Variants in ZFP64 observed in about 807,000 individuals in gnomAD.
ZFP64 encodes ZFP64 zinc finger protein, also known as zinc finger protein 64.
A neutral mutation model predicts 51.6 loss-of-function variants in ZFP64; 14 were observed. The ratio of observed to expected loss-of-function variants is 0.27; its 90% CI spans 0.18 to 0.42. ZFP64 has a LOEUF of 0.42. Among genes scored for constraint, ZFP64 ranks in the 10% least tolerant of loss-of-function variants. The probability of loss-of-function intolerance (pLI) is 1.00; values close to 1 mark genes in which losing one functional copy is unlikely to be tolerated. For missense variants in ZFP64, 754 were observed against 906.8 expected (o/e 0.83, Z 2.16); for synonymous variants, 375 against 361.4 (o/e 1.04, Z -0.43).
rs138460940 is a variant in ZFP64, at chr20:52,140,244, G to C, written c.763+19879C>G. 1.8e-3 allele frequency among the ~76,000 whole-genome samples: 274 copies of C among 152,228 alleles called. 1 individual carries two copies. Among genetic ancestry groups the C allele is most frequent in the African/African-American group, 6.3e-3 (262 of 41,550 alleles). On this transcript the variant is annotated intron_variant, in intron 5 of 8. Coordinates refer to the ZFP64 transcript ENST00000361387. Reference sequence around the variant, plus strand: ...CCTACAATGGCCTCTAAGTGTTCAAGTGAAAGAAAGAGTCCCACGTCTCTC... The same window carrying C: ...CCTACAATGGCCTCTAAGTGTTCAACTGAAAGAAAGAGTCCCACGTCTCTC...
At chr20:52,088,979 T>G (rs2078893316) in intron 7 of ZFP64, 1 of 537,156 alleles carries the variant, frequency 1.9e-6, no homozygotes, top group Non-Finnish European at 3.7e-6. Context: ...ATGAACCACA[T>G]GGAGAATGGT....
chr20:52,182,027 T>C (rs1293211997), intron 2 of ZFP64, among the ~76,000 whole-genome samples: 1 of 152,242 alleles, frequency 6.6e-6, no homozygotes, highest in Non-Finnish European at 1.5e-5. Context: ...CACCTGTTTA[T>C]TAGACTCTAC....
At chr20:52,110,573 G>A in intron 5 of ZFP64, 1 of 715,936 alleles carries the variant, frequency 1.4e-6, no homozygotes, top group South Asian at 1.6e-5. Flanking sequence ...AGGTGGTCCT[G>A]CCGCTGCTTC....
At chr20:52,123,880 G>C (rs570278927) in intron 5 of ZFP64, among the ~76,000 whole-genome samples, 2 of 151,502 alleles carry the variant, frequency 1.3e-5, no homozygotes, top group Admixed American at 1.3e-4. Flanking sequence ...CTTTTTTGGG[G>C]GGGGGAGGGG....
chr20:52,106,922 C>G lies in ZFP64; in HGVS notation c.764-8335G>C, dbSNP rs554249395. Among the ~76,000 whole-genome samples the G allele has an allele frequency of 6.6e-5, 10 of 152,250 alleles. No homozygotes were observed. In the South Asian group the frequency reaches 1.9e-3, roughly 28 times the overall value. On this transcript the variant is annotated intron_variant, in intron 5 of 8. Coordinates refer to the ZFP64 transcript ENST00000361387. ...GACCAGCCTGGCCAACATGATGGAA[C>G]CTTGTCTCTACTAAAAATACAAAAA...
intron 8 of ZFP64, among the ~76,000 whole-genome samples, chr20:52,088,044 T>C (rs2122698544): frequency 6.6e-6 from 1 of 152,380 alleles, no homozygotes; most frequent in Non-Finnish European, 1.5e-5. Flanking sequence ...TAATGGATCC[T>C]GCTACATTCC....
At chr20:52,136,138 GAAC>G (rs991389452) in intron 5 of ZFP64, among the ~76,000 whole-genome samples, 25 of 81,968 alleles carry the variant, frequency 3.0e-4, no homozygotes, top group East Asian at 1.9e-3. Flanking sequence ...CCAAAAAAAA[GAAC>G]AACAACAACA....
chr20:52,095,730 TA>T (rs2078981455), intron 7 of ZFP64, among the ~76,000 whole-genome samples: 1 of 152,190 alleles, frequency 6.6e-6, no homozygotes, highest in Non-Finnish European at 1.5e-5. Flanking sequence ...AAGAAAACAG[TA>T]ATCCAGCCCC....
At chr20:52,133,035 G>T (rs953532766) in intron 5 of ZFP64, among the ~76,000 whole-genome samples, 10 of 152,154 alleles carry the variant, frequency 6.6e-5, no homozygotes, top group Non-Finnish European at 1.0e-4. Context: ...TCTCTGGAAT[G>T]CAAGGATGAC....
intron 5 of ZFP64, chr20:52,110,427 C>A: frequency 3.3e-6 from 2 of 601,098 alleles, no homozygotes; most frequent in South Asian, 5.3e-5. Flanking sequence ...TTCTTCCCGT[C>A]ACTCAACTTG....
rs1277281218 is a variant in ZFP64, at chr20:52,187,007, C to T, written c.111G>A (p.Lys37=). The T allele has an allele frequency of 3.1e-6, 5 of 1,613,942 alleles. No individual in the cohort carries two copies. Among genetic ancestry groups the T allele is most frequent in the Middle Eastern group, 1.6e-4 (1 of 6,062 alleles). Reference sequence around the variant, plus strand: ...AGGCATCCAGGTTGTTAAACTGCTGCTTGCAGATGCCGCAGATATGGATGT... The same window carrying T: ...AGGCATCCAGGTTGTTAAACTGCTGTTTGCAGATGCCGCAGATATGGATGT... ...TPDIHICGIC[K]QQFNNLDAFV... is the part of the protein sequence containing the mutation. Residue 37 remains lysine (K), a synonymous_variant, in exon 2 of 6, where the codon AAG becomes AAA. Transcript: ENST00000216923.
exon 8 of ZFP64, chr20:52,088,436 C>G: frequency 6.2e-7 from 1 of 1,614,146 alleles, no homozygotes; most frequent in South Asian, 1.1e-5. Flanking sequence ...GGAGTTGCGG[C>G]TGGCATAGGG....
At chr20:52,146,977 C>A (rs1483401063), downstream of ZFP64, among the ~76,000 whole-genome samples, 6 of 152,206 alleles carry the variant, frequency 3.9e-5, no homozygotes, top group East Asian at 9.6e-4. Context: ...ACTGTGTCAA[C>A]ATATTTAAGT....
chr20:52,113,709 G>T (rs1371514133), intron 5 of ZFP64, among the ~76,000 whole-genome samples: 1 of 151,668 alleles, frequency 6.6e-6, no homozygotes, highest in African/African-American at 2.4e-5. Flanking sequence ...AAAGTGCTGG[G>T]ATTATAGGCA....
At chr20:52,094,950 G>A (rs6091438) in intron 7 of ZFP64, among the ~76,000 whole-genome samples, 38,233 of 152,050 alleles carry the variant, frequency 0.25, 6,320 homozygotes, top group African/African-American at 0.47. Flanking sequence ...TGCCCATGAC[G>A]GGGAATAAGA....
intron 5 of ZFP64, among the ~76,000 whole-genome samples, chr20:52,121,124 G>A (rs189985656): frequency 2.6e-5 from 4 of 152,124 alleles, no homozygotes; most frequent in East Asian, 1.9e-4. Flanking sequence ...CCTTTTCTTC[G>A]AGCCTTTCTA....
intron 5 of ZFP64, among the ~76,000 whole-genome samples, chr20:52,145,679 G>A (rs531850305): frequency 2.5e-4 from 38 of 152,112 alleles, no homozygotes; most frequent in Middle Eastern, 3.4e-3. Context: ...GTAAAAGTAT[G>A]GTATAAAAGA....
In ZFP64 at chr20:52,172,606, G is replaced by A. The variant is rs184604743; in HGVS notation, c.287-6581C>T. Among the ~76,000 whole-genome samples the A allele has an allele frequency of 3.7e-3, 557 of 152,144 alleles. 5 individuals carry two copies. Among genetic ancestry groups the A allele is most frequent in the African/African-American group, 0.013 (537 of 41,496 alleles). On this transcript the variant is annotated intron_variant, in intron 2 of 5. Coordinates refer to ENST00000216923, the MANE Select transcript of ZFP64 (RefSeq NM_018197.3). ...GCGGGATGACTCATAACCTTGGGGG[G>A]AAGTGCTTCCAGTAGAGGCGTGACT...
chr20:52,169,793 C>T (rs1982566504), intron 2 of ZFP64, among the ~76,000 whole-genome samples: 1 of 152,242 alleles, frequency 6.6e-6, no homozygotes, highest in Non-Finnish European at 1.5e-5. Flanking sequence ...GTGGCTCACA[C>T]CTGTAACACC....
Sources: allele counts gnomAD v4.1 joint callset (sites outside exome capture counted in the v4.1 genomes callset), GRCh38; gene constraint gnomAD v4.1.1; transcripts MANE v1.5; gene names NCBI Gene and HGNC (gene_info 2026-07-23, HGNC 2026-07-21).